The following AGPS variants were observed in gnomAD, a reference collection of about 807,000 sequenced individuals.
AGPS encodes alkylglycerone phosphate synthase, also known as alkyldihydroxyacetonephosphate synthase, peroxisomal.
AGPS carries 26 observed loss-of-function variants against 90.7 expected under a neutral mutation model. The observed-to-expected ratio is 0.29, with a 90% CI of 0.21 to 0.40. AGPS has a LOEUF of 0.40. Among genes scored for constraint, AGPS ranks in the 10% least tolerant of loss-of-function variants. The pLI is 1.00. For missense variants in AGPS, 540 were observed against 816.1 expected (o/e 0.66, Z 4.12); for synonymous variants, 294 against 285.3 (o/e 1.03, Z -0.31).
At chr2:177,393,370 C>T (rs1685080114) in intron 1 of AGPS, 1 of 985,352 alleles carries the variant, frequency 1.0e-6, no homozygotes, top group Non-Finnish European at 1.2e-6. Flanking sequence ...TGAATTAATA[C>T]TTTTGGTGCT....
chr2:177,470,062 T>G (rs992181843), intron 10 of AGPS, among the ~76,000 whole-genome samples: 2 of 152,026 alleles, frequency 1.3e-5, no homozygotes, highest in African/African-American at 4.8e-5. Context: ...AAGAAGAAAA[T>G]AATTCCAGGT....
chr2:177,479,913 G>A (rs970503861), intron 10 of AGPS, among the ~76,000 whole-genome samples: 2 of 152,234 alleles, frequency 1.3e-5, no homozygotes, highest in African/African-American at 2.4e-5. Flanking sequence ...GGGTGCAGTG[G>A]CTCATGCCTA....
At chr2:177,482,219 A>G (rs1199893641) in intron 11 of AGPS, 33 bp downstream of exon 11, 20 of 1,159,548 alleles carry the variant, frequency 1.7e-5, no homozygotes, top group Non-Finnish European at 2.4e-5. Context: ...ATACATACAT[A>G]CATATATGTT....
At chr2:177,445,687 T>A (rs1686749055) in intron 8 of AGPS, 61 bp downstream of exon 8, 1 of 1,211,444 alleles carries the variant, frequency 8.3e-7, no homozygotes, top group Admixed American at 2.5e-5. Flanking sequence ...ATTCTGATGT[T>A]ATTTCTTTAA....
chr2:177,450,790 C>A (rs1241609701), intron 8 of AGPS, among the ~76,000 whole-genome samples: 1 of 151,226 alleles, frequency 6.6e-6, no homozygotes, highest in East Asian at 1.9e-4. Flanking sequence ...AGAAAAAGTC[C>A]CATTGGGATT....
chr2:177,465,814 C>T (rs1438081426), intron 9 of AGPS, among the ~76,000 whole-genome samples: 1 of 152,218 alleles, frequency 6.6e-6, no homozygotes, highest in Non-Finnish European at 1.5e-5. Context: ...AGGGCCACAG[C>T]TCTTCTCTCC....
intron 1 of AGPS, among the ~76,000 whole-genome samples, chr2:177,404,379 A>G (rs1315869352): frequency 1.3e-5 from 2 of 152,278 alleles, no homozygotes; most frequent in East Asian, 3.9e-4. Context: ...GCTTATTCAG[A>G]TGGCTCCTAT....
intron 17 of AGPS, among the ~76,000 whole-genome samples, chr2:177,515,516 C>G (rs1420056785): frequency 6.6e-6 from 1 of 151,594 alleles, no homozygotes; most frequent in Admixed American, 6.6e-5. Flanking sequence ...CTTAAGAACC[C>G]CACCCCCGCT....
At chr2:177,393,168 C>T in intron 1 of AGPS, 119 bp downstream of exon 1, 1 of 1,547,216 alleles carries the variant, frequency 6.5e-7, no homozygotes, top group Non-Finnish European at 8.7e-7. Flanking sequence ...CATCCCGGTC[C>T]CTGAAAGTAG....
At chr2:177,418,985 G>C (rs1476416773) in intron 1 of AGPS, among the ~76,000 whole-genome samples, 1 of 151,896 alleles carries the variant, frequency 6.6e-6, no homozygotes, top group East Asian at 1.9e-4. Flanking sequence ...CCAGTCTCTG[G>C]ATTGATACTC....
At chr2:177,459,417 A>C (rs1044758070) in intron 8 of AGPS, among the ~76,000 whole-genome samples, 17 of 152,172 alleles carry the variant, frequency 1.1e-4, no homozygotes, top group Non-Finnish European at 1.5e-5. Context: ...TTTGCAATCT[A>C]TCCATCTGAC....
chr2:177,423,449 C>T (rs1685990318), intron 2 of AGPS, among the ~76,000 whole-genome samples: 2 of 152,086 alleles, frequency 1.3e-5, no homozygotes, highest in Non-Finnish European at 2.9e-5. Context: ...AGAAATAATT[C>T]AGGCCCCTCG....
At chr2:177,462,046 TA>T (rs745566213) in intron 9 of AGPS, 28 bp downstream of exon 9, 31 of 1,541,270 alleles carry the variant, frequency 2.0e-5, no homozygotes. Flanking sequence ...TATTATGTAA[TA>T]ATTGATTAGT....
At chr2:177,429,454 G>C (rs1162139424) in intron 2 of AGPS, among the ~76,000 whole-genome samples, 1 of 152,158 alleles carries the variant, frequency 6.6e-6, no homozygotes, top group South Asian at 2.1e-4. Context: ...GGATTATCTA[G>C]CTTCAATTTT....
intron 19 of AGPS, among the ~76,000 whole-genome samples, chr2:177,528,196 T>G (rs2079106514): frequency 1.3e-5 from 2 of 152,218 alleles, no homozygotes; most frequent in South Asian, 4.1e-4. Context: ...AACACCTCTA[T>G]ACCACTACCC....
At chr2:177,517,159 G>C (rs537413647) in intron 17 of AGPS, among the ~76,000 whole-genome samples, 121 of 152,066 alleles carry the variant, frequency 8.0e-4, no homozygotes, top group African/African-American at 2.7e-3. Context: ...ATTGCATATG[G>C]AGATTTGACT....
chr2:177,425,709 C>T (rs1686062155), intron 2 of AGPS, among the ~76,000 whole-genome samples: 1 of 149,668 alleles, frequency 6.7e-6, no homozygotes, highest in African/African-American at 2.5e-5. Context: ...TGTAGGTGTG[C>T]AGTCTTATTT....
chr2:177,475,292 A>T (rs2105685161), intron 10 of AGPS, among the ~76,000 whole-genome samples: 1 of 152,316 alleles, frequency 6.6e-6, no homozygotes, highest in Non-Finnish European at 1.5e-5. Context: ...AAGTGATACT[A>T]CTTGTCTTGG....
At chr2:177,508,054 ATAT>A (rs1688763140) in intron 16 of AGPS, 23 bp downstream of exon 16, 7 of 1,552,126 alleles carry the variant, frequency 4.5e-6, no homozygotes, top group Non-Finnish European at 6.2e-6. Flanking sequence ...AAAGTGCCTG[ATAT>A]TATTCAAATA....
Sources: gnomAD v4.1 joint callset for allele counts (sites outside exome capture counted in the v4.1 genomes callset) on GRCh38, gnomAD v4.1.1 for gene constraint, MANE v1.5 for transcripts, NCBI Gene and HGNC (gene_info 2026-07-23, HGNC 2026-07-21) for gene names.